SOBP: variants seen among roughly 807,000 people sequenced by gnomAD.
SOBP encodes sine oculis-binding protein homolog.
SOBP carries 4 observed loss-of-function variants against 53.6 expected under a neutral mutation model. The ratio of observed to expected loss-of-function variants is 0.07; its 90% CI spans 0.04 to 0.17. The LOEUF is 0.17. Ranked by LOEUF, SOBP falls within the 10% of genes least tolerant of loss-of-function variation. The probability of loss-of-function intolerance (pLI) is 1.00; values close to 1 mark genes in which losing one functional copy is unlikely to be tolerated. For synonymous variants in SOBP, 584 were observed against 522.6 expected (o/e 1.12, Z -1.60); for missense variants, 1,088 against 1,204.7 (o/e 0.90, Z 1.43).
intron 5 of SOBP, among the ~76,000 whole-genome samples, chr6:107,588,518 A>G (rs1349424277): frequency 6.6e-6 from 1 of 152,092 alleles, no homozygotes; most frequent in Non-Finnish European, 1.5e-5. Context: ...CTTTTTGTTC[A>G]TTTCGGTTTT....
chr6:107,534,561 T>C (rs760448996), intron 4 of SOBP, among the ~76,000 whole-genome samples: 1 of 152,258 alleles, frequency 6.6e-6, no homozygotes, highest in Non-Finnish European at 1.5e-5. Flanking sequence ...TTTCCAAAAG[T>C]GTGATATTTG....
chr6:107,514,998 T>C (rs1225465800), intron 3 of SOBP: 1 of 152,216 alleles, frequency 6.6e-6, no homozygotes, highest in African/African-American at 2.4e-5. Context: ...ATAATAGATT[T>C]GACATTTTTT....
Position 107,633,858 on chromosome 6 carries a change from C to G in SOBP, c.1014C>G (p.Ala338=). 6.2e-7 allele frequency: 1 copy of G among 1,614,200 alleles called. No individual in the cohort carries two copies. Reference sequence around the variant, plus strand: ...CCACCGTCTCTCCATCTGACACTGCCAACTGCTCTGTCACTAAAATCCCCA... The same window carrying G: ...CCACCGTCTCTCCATCTGACACTGCGAACTGCTCTGTCACTAAAATCCCCA... ...ASTTVSPSDT[A]NCSVTKIPTP... Residue 338 remains alanine (A), a synonymous_variant, in exon 6 of 7, where the codon GCC becomes GCG. Coordinates refer to ENST00000317357, the MANE Select transcript of SOBP (RefSeq NM_018013.4).
intron 4 of SOBP, among the ~76,000 whole-genome samples, chr6:107,573,899 T>C (rs771916674): frequency 3.9e-5 from 6 of 152,244 alleles, no homozygotes; most frequent in Admixed American, 6.5e-5. Flanking sequence ...ACTGTTATCA[T>C]TGAACTTAAA....
intron 4 of SOBP, among the ~76,000 whole-genome samples, chr6:107,585,894 T>C (rs1001378409): frequency 6.6e-6 from 1 of 152,210 alleles, no homozygotes; most frequent in Non-Finnish European, 1.5e-5. Flanking sequence ...TTTTGCTCCA[T>C]TAAAGGAGGA....
At position 107,547,647 on chromosome 6, in the gene SOBP, G is replaced by A. The variant is rs151203087; in HGVS notation, c.573+14037G>A. Among the ~76,000 whole-genome samples the A allele has an allele frequency of 2.0e-5, 3 of 152,292 alleles. No homozygotes were observed. In the East Asian group the frequency reaches 5.8e-4, roughly 29 times the overall value. ...TGGTAAATGTAAATGTAATCAAAATGTACTCAGCCTCTTAACACTCAGGGG... is the reference window on the plus strand; with the variant it reads ...TGGTAAATGTAAATGTAATCAAAATATACTCAGCCTCTTAACACTCAGGGG... On this transcript the variant is annotated intron_variant, in intron 4 of 6. Coordinates refer to ENST00000317357, the MANE Select transcript of SOBP (RefSeq NM_018013.4).
Position 107,634,116 on chromosome 6 carries a change from C to G in SOBP, c.1272C>G (p.Ser424Arg). 6.2e-7 allele frequency: 1 copy of G among 1,605,634 alleles called. No homozygotes were observed. Among genetic ancestry groups the G allele is most frequent in the East Asian group, 2.2e-5 (1 of 44,800 alleles). ...GPPHHASNPN[S>R]PLSNPMLPGI... ...CGCACCATGCCTCCAACCCCAACAG[C>G]CCCCTGTCCAACCCCATGCTTCCCG... Residue 424 changes from serine (S) to arginine (R), a missense_variant, in exon 6 of 7, where the codon AGC becomes AGG. Coordinates refer to ENST00000317357, the MANE Select transcript of SOBP (RefSeq NM_018013.4). The surrounding 1 kb of genome is among the most constrained non-coding windows in gnomAD (Gnocchi z 4.5).
intron 3 of SOBP, among the ~76,000 whole-genome samples, chr6:107,531,291 T>C (rs186382873): frequency 6.6e-6 from 1 of 152,316 alleles, no homozygotes; most frequent in East Asian, 1.9e-4. Context: ...CCGCATAAAT[T>C]TTTTTCCTTA....
chr6:107,506,382 A>G lies in SOBP; in HGVS notation c.376A>G (p.Ile126Val), dbSNP rs530593727. 5.6e-6 allele frequency: 9 copies of G among 1,614,228 alleles called. No homozygotes were observed. The highest frequency in any genetic ancestry group is 2.7e-5 in the African/African-American group (2 of 75,070). Residue 126 changes from isoleucine (I) to valine (V), a missense_variant, in exon 3 of 7, where the codon ATT becomes GTT. By Grantham distance (29) the Ile-to-Val change is conservative. This residue lies in a region of SOBP where 112 missense variants were observed against 117.9 expected (regional missense o/e 0.95). Coordinates refer to ENST00000317357, the MANE Select transcript of SOBP (RefSeq NM_018013.4). ...AGSKDHGSVP[I>V]IVPLIPPPFI... ...GTCAAAGGATCATGGCAGTGTGCCC[A>G]TTATTGTACCTTTAATTCCACCACC...
intron 4 of SOBP, among the ~76,000 whole-genome samples, chr6:107,568,848 C>G (rs1223223844): frequency 6.6e-6 from 1 of 152,190 alleles, no homozygotes; most frequent in Non-Finnish European, 1.5e-5. Context: ...CTGAAACAGA[C>G]TGAGAGAAAC....
intron 4 of SOBP, among the ~76,000 whole-genome samples, chr6:107,566,480 C>T (rs1183160734): frequency 6.6e-6 from 1 of 152,172 alleles, no homozygotes; most frequent in African/African-American, 2.4e-5. Context: ...GTATTTTAGC[C>T]AGGCTCTTCA....
chr6:107,571,759 C>G lies in SOBP; in HGVS notation c.574-15321C>G, dbSNP rs75404430. ...AAACAAGACATATTATAGCTACTGC[C>G]TTGTCTATATCATTTATAGGAATCG... On this transcript the variant is annotated intron_variant, in intron 4 of 6. Coordinates refer to ENST00000317357, the MANE Select transcript of SOBP (RefSeq NM_018013.4). Among the ~76,000 whole-genome samples the G allele has an allele frequency of 8.5e-5, 13 of 152,284 alleles. No homozygotes were observed. The East Asian group carries it at 2.3e-3, about 27-fold the overall frequency.
chr6:107,587,334 A>C, intron 5 of SOBP, 159 bp downstream of exon 5: 1 of 658,436 alleles, frequency 1.5e-6, no homozygotes, highest in Non-Finnish European at 2.7e-6. Flanking sequence ...TATTAATTTT[A>C]AGATCTCAAA....
intron 5 of SOBP, among the ~76,000 whole-genome samples, chr6:107,600,237 A>G (rs1165177659): frequency 6.6e-6 from 1 of 152,220 alleles, no homozygotes; most frequent in Non-Finnish European, 1.5e-5. Flanking sequence ...ATTAGGGTCT[A>G]TGTAAAATGC....
At chr6:107,550,007 C>T (rs1784418268) in intron 4 of SOBP, among the ~76,000 whole-genome samples, 1 of 152,160 alleles carries the variant, frequency 6.6e-6, no homozygotes, top group Non-Finnish European at 1.5e-5. Flanking sequence ...CCATGGGGTC[C>T]CTCCTCTCCA....
Position 107,658,882 on chromosome 6 carries a change from C to A in SOBP, c.*679C>A, listed in dbSNP as rs1772181838. The A allele has an allele frequency of 6.6e-6, 1 of 152,604 alleles. No homozygotes were observed. The highest frequency in any genetic ancestry group is 2.4e-5 in the African/African-American group (1 of 41,448). 9.5% of individuals were successfully genotyped at this position (152,604 alleles called of 1,614,324 possible). A position where few individuals can be genotyped will look rare whatever the true frequency, so the allele number is the denominator to read the frequency against. ...TATTTTCAGTGTTACACTTTTATGG[C>A]TTTTAATTTTCGATTTGACAGATGT... is the stretch of plus-strand genomic sequence containing the variant. On this transcript the variant is annotated 3_prime_UTR_variant, in exon 7 of 7. Coordinates refer to ENST00000317357, the MANE Select transcript of SOBP (RefSeq NM_018013.4).
intron 4 of SOBP, among the ~76,000 whole-genome samples, chr6:107,560,878 C>G (rs1784754663): frequency 6.6e-6 from 1 of 152,180 alleles, no homozygotes; most frequent in Admixed American, 6.5e-5. Flanking sequence ...TCTGGAAAAG[C>G]CCAACCACCT....
At chr6:107,548,808 A>G (rs1392970490) in intron 4 of SOBP, among the ~76,000 whole-genome samples, 1 of 152,034 alleles carries the variant, frequency 6.6e-6, no homozygotes, top group African/African-American at 2.4e-5. Flanking sequence ...TGTGATGGTG[A>G]ACACCTGTAG....
chr6:107,505,971 G>C (rs1167404341), intron 2 of SOBP, among the ~76,000 whole-genome samples: 1 of 152,050 alleles, frequency 6.6e-6, no homozygotes, highest in Non-Finnish European at 1.5e-5. Context: ...AATTTTCTAT[G>C]GAATTTTACA....
Sources: gnomAD v4.1 joint callset for allele counts (sites outside exome capture counted in the v4.1 genomes callset) on GRCh38, gnomAD v4.1.1 for gene constraint, gnomAD v4.1.1 regional missense constraint, Gnocchi (gnomAD v3.1) non-coding constraint, MANE v1.5 for transcripts, NCBI Gene and HGNC (gene_info 2026-07-23, HGNC 2026-07-21) for gene names.